ZNF605: variants seen among roughly 807,000 people sequenced by gnomAD.
ZNF605 encodes the protein zinc finger protein 605.
ZNF605 carries 9 observed loss-of-function variants against 7.9 expected under a neutral mutation model. That is an observed-to-expected ratio of 1.14 (90% confidence interval 0.68 to 1.98). The LOEUF (loss-of-function observed/expected upper bound fraction) is 1.98, where lower values mean the gene tolerates loss of function less well. ZNF605 is among the 30% of genes most tolerant of loss of function. The pLI, the probability that ZNF605 is intolerant of heterozygous loss-of-function variation, is 0.00. For synonymous variants in ZNF605, 255 were observed against 260.1 expected (o/e 0.98, Z 0.19); for missense variants, 673 against 762.4 (o/e 0.88, Z 1.38).
intron 3 of ZNF605, among the ~76,000 whole-genome samples, chr12:132,943,068 A>T (rs898663217): frequency 7.2e-5 from 11 of 152,118 alleles, no homozygotes; most frequent in Non-Finnish European, 1.5e-4. Context: ...TCCTGGTTAA[A>T]TACCTGTAGT....
At chr12:132,951,444 TCATA>T (rs1326422988) in intron 1 of ZNF605, among the ~76,000 whole-genome samples, 2 of 149,242 alleles carry the variant, frequency 1.3e-5, no homozygotes, top group Admixed American at 6.7e-5. Context: ...GATACGTATC[TCATA>T]CATATACACA....
In ZNF605 at chr12:132,926,136, G is replaced by C; in HGVS notation, c.1163C>G (p.Thr388Arg). 1.2e-6 allele frequency: 2 copies of C among 1,614,194 alleles called. No individual in the cohort carries two copies. Among genetic ancestry groups the C allele is most frequent in the South Asian group, 1.1e-5 (1 of 91,088 alleles). The change falls in exon 5 of 5, where the codon ACA becomes AGA. Residue 388 changes from threonine (T) to arginine (R), a missense_variant. Physicochemically the swap from Thr to Arg is moderately conservative, Grantham distance 71. Coordinates refer to ENST00000360187, the MANE Select transcript of ZNF605 (RefSeq NM_183238.4). The part of the protein sequence containing the change: ...PQLIKHQITH[T>R]GEKNYRCSDC... ...ACTGCATCGATAGTTCTTCTCTCCT[G>C]TGTGAGTTATCTGATGTTTAATCAG...
chr12:132,956,018 T>G (rs1593610877), intron 1 of ZNF605, among the ~76,000 whole-genome samples: 1 of 12,116 alleles, frequency 8.3e-5, no homozygotes, highest in African/African-American at 3.4e-4. Flanking sequence ...ACCCTCTGCC[T>G]CCCACCCCCG....
chr12:132,949,830 G>A (rs1281972005), intron 1 of ZNF605, among the ~76,000 whole-genome samples: 2 of 152,168 alleles, frequency 1.3e-5, no homozygotes, highest in Admixed American at 6.5e-5. Context: ...TAGAAATGGC[G>A]GGAAAGGAGA....
chr12:132,948,380 A>G (rs73158718), intron 1 of ZNF605, 110 bp from the exon 2 acceptor site: 41,172 of 152,184 alleles, frequency 0.27, 6,179 homozygotes, highest in African/African-American at 0.41. Context: ...AGCACTTGCC[A>G]TCTACACCTG....
Position 132,918,563 on chromosome 12 carries a change from C to T in ZNF605, c.*6810G>A, listed in dbSNP as rs1952177664. ...CTGCTCATTTTCAGTTAGCTATTAG[C>T]CTTTTAGCCCCACCCTTGTTTTCTC... is the stretch of plus-strand genomic sequence containing the variant. On this transcript the variant is annotated 3_prime_UTR_variant, in exon 5 of 5. Transcript: ENST00000360187. 6.6e-6 allele frequency: 1 copy of T among 152,242 alleles called. No homozygotes were observed. Among genetic ancestry groups the T allele is most frequent in the South Asian group, 2.1e-4 (1 of 4,830 alleles). 9.4% of individuals were successfully genotyped at this position (152,242 alleles called of 1,614,324 possible). A position where few individuals can be genotyped will look rare whatever the true frequency, so the allele number is the denominator to read the frequency against.
At chr12:132,935,061 C>A (rs1423522267) in intron 3 of ZNF605, among the ~76,000 whole-genome samples, 1 of 152,042 alleles carries the variant, frequency 6.6e-6, no homozygotes, top group African/African-American at 2.4e-5. Context: ...GGAGTGGGAG[C>A]GGTGGGAATG....
At chr12:132,949,450 C>T (rs1952534574) in intron 1 of ZNF605, among the ~76,000 whole-genome samples, 2 of 152,298 alleles carry the variant, frequency 1.3e-5, no homozygotes, top group East Asian at 1.9e-4. Context: ...TTGCAGCCTC[C>T]GATTTGCAAT....
intron 1 of ZNF605, among the ~76,000 whole-genome samples, chr12:132,954,149 CAG>C (rs2137171170): frequency 6.6e-6 from 1 of 151,674 alleles, no homozygotes; most frequent in Non-Finnish European, 1.5e-5. Flanking sequence ...ACAGGCCAGG[CAG>C]AGTTATCCCT....
rs943588757 is a variant in ZNF605, at chr12:132,926,281, C to T, written c.1018G>A (p.Gly340Ser). The T allele has an allele frequency of 6.2e-7, 1 of 1,613,546 alleles. No individual in the cohort carries two copies. The highest frequency in any genetic ancestry group is 1.1e-5 in the South Asian group (1 of 91,040). The change falls in exon 5 of 5, where the codon GGT becomes AGT. Residue 340 changes from glycine (G) to serine (S), a missense_variant. Gly to Ser is a moderately conservative substitution (Grantham distance 56, BLOSUM62 0). Coordinates refer to ENST00000360187, the MANE Select transcript of ZNF605 (RefSeq NM_183238.4). ...THTGKKPYGC[G>S]ECQKAFSRNS... ...CTGCTGAAGGCTTTTTGACACTCAC[C>T]ACATCCGTAAGGTTTCTTCCCTGTG...
At chr12:132,932,012 C>A (rs1452649417) in intron 4 of ZNF605, among the ~76,000 whole-genome samples, 4 of 152,234 alleles carry the variant, frequency 2.6e-5, no homozygotes, top group Admixed American at 2.6e-4. Flanking sequence ...CAGCTTCCAG[C>A]TCCTTGGGTC....
chr12:132,953,578 C>T (rs1272269461), intron 1 of ZNF605, among the ~76,000 whole-genome samples: 3 of 152,142 alleles, frequency 2.0e-5, no homozygotes, highest in Non-Finnish European at 2.9e-5. Flanking sequence ...AGGCGCCCAC[C>T]ACCATGCCCA....
chr12:132,949,533 G>A (rs1952535321), intron 1 of ZNF605, among the ~76,000 whole-genome samples: 1 of 152,092 alleles, frequency 6.6e-6, no homozygotes, highest in Non-Finnish European at 1.5e-5. Flanking sequence ...ACCGGACTTT[G>A]GGTACCCTAC....
At chr12:132,938,265 C>T (rs1258441811) in intron 3 of ZNF605, among the ~76,000 whole-genome samples, 2 of 152,038 alleles carry the variant, frequency 1.3e-5, no homozygotes, top group Non-Finnish European at 2.9e-5. Flanking sequence ...CAGGCAAGAG[C>T]CACTGTGCCA....
At position 132,925,825 on chromosome 12, in the gene ZNF605, G is replaced by A; in HGVS notation, c.1474C>T (p.Leu492Phe). The change falls in exon 5 of 5, where the codon CTC becomes TTC. Residue 492 changes from leucine to phenylalanine, a missense_variant. Physicochemically the swap from Leu to Phe is conservative, Grantham distance 22 (BLOSUM62 0). Transcript: ENST00000360187. The part of the protein sequence containing the change: ...CRKTFSEKSS[L>F]IHHQRTHTGE... ...GTATGGGTTCTCTGATGATGAATGAGACTTGACTTCTCACTGAAGGTTTTC... is the reference window on the plus strand; with the variant it reads ...GTATGGGTTCTCTGATGATGAATGAAACTTGACTTCTCACTGAAGGTTTTC... 6.2e-7 allele frequency: 1 copy of A among 1,614,166 alleles called. No individual in the cohort carries two copies. Among genetic ancestry groups the A allele is most frequent in the Non-Finnish European group, 8.5e-7 (1 of 1,180,022 alleles).
chr12:132,925,620 G>A lies in ZNF605; in HGVS notation c.1679C>T (p.Thr560Ile), dbSNP rs776093437. 11 of 1,614,012 alleles carry A rather than the reference G, an allele frequency of 6.8e-6. No homozygotes were observed. The African/African-American group carries it at 1.2e-4, about 18-fold the overall frequency. The part of the protein sequence containing the change: ...KHQRNHTGEK[T>I]YGCSDCAKAF... ...TTTTGCACAATCGCTGCATCCATAG[G>A]TTTTCTCTCCTGTGTGATTTCTTTG... The change falls in exon 5 of 5, where the codon ACC becomes ATC. Residue 560 changes from threonine (T) to isoleucine (I), a missense_variant. Physicochemically the swap from Thr to Ile is moderately conservative, Grantham distance 89. Transcript: ENST00000360187.
chr12:132,948,032 C>T (rs1011507809), intron 2 of ZNF605, 116 bp downstream of exon 2: 2 of 152,082 alleles, frequency 1.3e-5, no homozygotes, highest in African/African-American at 4.8e-5. Context: ...TTTTCAAAGA[C>T]CACAAACTGC....
intron 4 of ZNF605, among the ~76,000 whole-genome samples, chr12:132,929,103 A>G (rs1161450566): frequency 6.6e-6 from 1 of 152,168 alleles, no homozygotes; most frequent in African/African-American, 2.4e-5. Flanking sequence ...TAATTCTCAG[A>G]TATCAGAATT....
At chr12:132,953,561 G>A (rs1365989674) in intron 1 of ZNF605, among the ~76,000 whole-genome samples, 1 of 152,024 alleles carries the variant, frequency 6.6e-6, no homozygotes, top group Non-Finnish European at 1.5e-5. Context: ...TGAGTAGGTG[G>A]GATTACAGGC....
Sources: allele counts gnomAD v4.1 joint callset (sites outside exome capture counted in the v4.1 genomes callset), GRCh38; gene constraint gnomAD v4.1.1; transcripts MANE v1.5; gene names NCBI Gene and HGNC (gene_info 2026-07-23, HGNC 2026-07-21).